RYR3: variants seen among roughly 807,000 people sequenced by gnomAD.
RYR3 encodes brain ryanodine receptor-calcium release channel.
RYR3 carries 207 observed loss-of-function variants against 584.3 expected under a neutral mutation model. That is an observed-to-expected ratio of 0.35 (90% CI 0.32 to 0.40). The LOEUF is 0.40. RYR3 is among the 10% of genes least tolerant of loss of function. The pLI is 1.00. For missense variants in RYR3, 5,616 were observed against 6,089.2 expected (o/e 0.92, Z 2.59); for synonymous variants, 2,416 against 2,248.5 (o/e 1.07, Z -2.11).
rs533491217 is a variant in RYR3 at position 33,598,869 on chromosome 15, C to A, written c.1789-2550C>A. Reference sequence around the variant, plus strand: ...GAGATCGAGACCATCCTGGCTAACACGGTGAAACCCTGTCTCTACTAAAAA... The same window carrying A: ...GAGATCGAGACCATCCTGGCTAACAAGGTGAAACCCTGTCTCTACTAAAAA... On this transcript the variant is annotated intron_variant, in intron 16 of 103. Coordinates refer to ENST00000634891, the MANE Select transcript of RYR3 (RefSeq NM_001036.6). 1.1e-4 allele frequency among the ~76,000 whole-genome samples: 16 copies of A among 152,018 alleles called. No homozygotes were observed. The East Asian group carries it at 2.3e-3, about 22-fold the overall frequency.
Position 33,831,103 on chromosome 15 carries a change from AGAGTGCATG to A in RYR3, c.11463+14_11463+22del. The A allele has an allele frequency of 6.2e-7, 1 of 1,611,132 alleles. No individual in the cohort carries two copies. Among genetic ancestry groups the A allele is most frequent in the Non-Finnish European group, 8.5e-7 (1 of 1,179,088 alleles). On this transcript the variant is annotated intron_variant, in intron 86 of 103. Transcript: ENST00000634891. ...CAGAATACATCCAGGTATGTGCTAC[AGAGTGCATG>A]GTTGAAAACAAAGAGAACATTGTTG...
chr15:33,325,772 TCC>T (rs1969613200), intron 1 of RYR3, among the ~76,000 whole-genome samples: 2 of 138,288 alleles, frequency 1.4e-5, no homozygotes, highest in African/African-American at 5.4e-5. Flanking sequence ...CTTCCTTCCT[TCC>T]TTCTTTCTTT....
intron 1 of RYR3, among the ~76,000 whole-genome samples, chr15:33,338,879 T>C (rs1374556922): frequency 1.3e-5 from 2 of 152,150 alleles, no homozygotes; most frequent in African/African-American, 2.4e-5. Context: ...CGTTTCCTCT[T>C]AAAAACAAGC....
chr15:33,634,618 G>A lies in RYR3; in HGVS notation c.3060G>A (p.Val1020=). Residue 1020 remains valine (V), a synonymous_variant, in exon 25 of 104, where the codon GTG becomes GTA. Transcript: ENST00000634891. ...DLKNKRNPRL[V]PYALLDERTK... ...AGAACAAAAGAAATCCCCGTCTGGT[G>A]CCATATGCATTACTGGATGAGCGTA... 6.2e-7 allele frequency: 1 copy of A among 1,613,922 alleles called. No individual in the cohort carries two copies. The highest frequency in any genetic ancestry group is 2.2e-5 in the East Asian group (1 of 44,866).
chr15:33,691,942 C>G (rs777221731), intron 38 of RYR3, among the ~76,000 whole-genome samples: 5 of 152,166 alleles, frequency 3.3e-5, no homozygotes, highest in Non-Finnish European at 5.9e-5. Context: ...AAAAGGCCAA[C>G]AATATCTTAG....
rs141213205 is a variant in RYR3, at chr15:33,465,132, G to A, written c.52-8287G>A. ...TGTGTGTGCCACATTTGGTTCATCC[G>A]TTCATCTGTCAATGAACATTTAGGT... On this transcript the variant is annotated intron_variant, in intron 1 of 103. Transcript: ENST00000634891. Among the ~76,000 whole-genome samples, 14 of 152,178 alleles carry A rather than the reference G, an allele frequency of 9.2e-5. No homozygotes were observed. In the East Asian group the frequency reaches 2.5e-3, roughly 27 times the overall value.
chr15:33,400,180 G>A (rs2042557735), intron 1 of RYR3, among the ~76,000 whole-genome samples: 1 of 152,132 alleles, frequency 6.6e-6, no homozygotes, highest in Admixed American at 6.6e-5. Context: ...ATTTGTCAGA[G>A]TCAAGCACGT....
At position 33,769,124 on chromosome 15, in the gene RYR3, C is replaced by T; in HGVS notation, c.8768C>T (p.Thr2923Ile). 1 of 1,613,184 alleles carries T rather than the reference C, an allele frequency of 6.2e-7. No individual in the cohort carries two copies. The highest frequency in any genetic ancestry group is 2.2e-5 in the East Asian group (1 of 44,874). The change falls in exon 62 of 104, where the codon ACT becomes ATT. Residue 2923 changes from threonine to isoleucine, a missense_variant. Transcript: ENST00000634891. ...HRISLFGSDSTTMVSCLHILA... is the reference protein window; with the variant it reads ...HRISLFGSDSITMVSCLHILA... ...TTTTTTATTCCAGGTAGTGATTCTACTACAATGGTGAGCTGTCTTCACATC... is the reference window on the plus strand; with the variant it reads ...TTTTTTATTCCAGGTAGTGATTCTATTACAATGGTGAGCTGTCTTCACATC...
At chr15:33,726,286 C>A in intron 45 of RYR3, 100 bp from the exon 46 acceptor site, 1 of 1,327,510 alleles carries the variant, frequency 7.5e-7, no homozygotes, top group East Asian at 2.4e-5. Context: ...GAAATGGACC[C>A]CTGCCCTTAA....
At chr15:33,374,048 G>C (rs2040536416) in intron 1 of RYR3, among the ~76,000 whole-genome samples, 1 of 152,080 alleles carries the variant, frequency 6.6e-6, no homozygotes, top group South Asian at 2.1e-4. Context: ...AACAAAATTG[G>C]CTGGTTTTAA....
intron 1 of RYR3, among the ~76,000 whole-genome samples, chr15:33,464,469 T>TATATATATATATATATATATACAC (rs1407704191): frequency 3.9e-5 from 3 of 76,498 alleles, no homozygotes; most frequent in South Asian, 6.7e-4. Context: ...TGGAGATATA[T>TATATATATATATATATATATACAC]ATATATATAT....
At chr15:33,534,766 C>T (rs540034070) in intron 5 of RYR3, among the ~76,000 whole-genome samples, 35 of 152,290 alleles carry the variant, frequency 2.3e-4, no homozygotes, top group East Asian at 1.5e-3. Flanking sequence ...AAAACTACTT[C>T]GGAACATCAG....
intron 47 of RYR3, among the ~76,000 whole-genome samples, chr15:33,731,119 G>A (rs1052183893): frequency 6.6e-6 from 1 of 152,152 alleles, no homozygotes; most frequent in Non-Finnish European, 1.5e-5. Flanking sequence ...ACTAGACTTT[G>A]CAAGCATCAA....
At chr15:33,661,062 AG>A (rs1212467211) in intron 34 of RYR3, among the ~76,000 whole-genome samples, 3 of 152,170 alleles carry the variant, frequency 2.0e-5, no homozygotes, top group Non-Finnish European at 2.9e-5. Flanking sequence ...GAAAGGGTTG[AG>A]GTATTTGACA....
At position 33,606,699 on chromosome 15, in the gene RYR3, T is replaced by C. The variant is rs1044078027; in HGVS notation, c.2164+3335T>C. Among the ~76,000 whole-genome samples the C allele has an allele frequency of 5.9e-5, 9 of 152,290 alleles. No homozygotes were observed. The South Asian group carries it at 1.9e-3, about 32-fold the overall frequency. On this transcript the variant is annotated intron_variant, in intron 18 of 103. Transcript: ENST00000634891. The stretch of plus-strand genomic sequence containing the variant: ...TCGTGATGGTCTCACTTTCCCTCTC[T>C]GGATGGAGACTCAATGGGGCTTTCA...
chr15:33,422,892 G>T (rs2044339402), intron 1 of RYR3, among the ~76,000 whole-genome samples: 3 of 152,160 alleles, frequency 2.0e-5, no homozygotes, highest in Admixed American at 2.0e-4. Flanking sequence ...ATTTGACATA[G>T]ACCTAAAGAC....
chr15:33,532,226 T>G (rs377225546), intron 4 of RYR3, among the ~76,000 whole-genome samples: 6 of 152,192 alleles, frequency 3.9e-5, no homozygotes, highest in African/African-American at 1.4e-4. Flanking sequence ...TGCCCATCAG[T>G]GAAGGAGGCC....
intron 1 of RYR3, among the ~76,000 whole-genome samples, chr15:33,454,983 A>G (rs1164197825): frequency 6.6e-6 from 1 of 152,206 alleles, no homozygotes; most frequent in Non-Finnish European, 1.5e-5. Flanking sequence ...GTCTTTTTGC[A>G]TATCACTGTG....
rs149168520 is a variant in RYR3 at position 33,479,575 on chromosome 15, T to A, written c.171+6037T>A. ...GCCTACTGCTTTCATTTACTCTTTATGACTCTATAAAGCAAACATTGTCCT... is the reference window on the plus strand; with the variant it reads ...GCCTACTGCTTTCATTTACTCTTTAAGACTCTATAAAGCAAACATTGTCCT... On this transcript the variant is annotated intron_variant, in intron 2 of 103. Coordinates refer to ENST00000634891, the MANE Select transcript of RYR3 (RefSeq NM_001036.6). Among the ~76,000 whole-genome samples, 492 of 152,150 alleles carry A rather than the reference T, an allele frequency of 3.2e-3. 2 individuals carry two copies. The highest frequency in any genetic ancestry group is 0.011 in the African/African-American group (462 of 41,480).
Sources: allele counts gnomAD v4.1 joint callset (sites outside exome capture counted in the v4.1 genomes callset), GRCh38; gene constraint gnomAD v4.1.1; transcripts MANE v1.5; gene names NCBI Gene and HGNC (gene_info 2026-07-23, HGNC 2026-07-21).